DCC: variants seen among roughly 807,000 people sequenced by gnomAD.
DCC encodes DCC netrin 1 receptor.
In DCC, 58 loss-of-function variants were observed where a neutral mutation model predicts 172.5. That is an observed-to-expected ratio of 0.34 (90% CI 0.27 to 0.42). The LOEUF is 0.42. DCC is among the 10% of genes least tolerant of loss of function. DCC has a pLI of 1.00. For synonymous variants in DCC, 709 were observed against 644.5 expected (o/e 1.10, Z -1.52); for missense variants, 1,740 against 1,791.0 (o/e 0.97, Z 0.51).
intron 11 of DCC, among the ~76,000 whole-genome samples, chr18:53,208,793 A>G (rs1482625034): frequency 1.3e-5 from 2 of 152,086 alleles, no homozygotes; most frequent in African/African-American, 4.8e-5. Flanking sequence ...GCAGTGGTGC[A>G]GTCTCAGCTC....
At chr18:53,131,379 C>T (rs1294974905) in intron 7 of DCC, among the ~76,000 whole-genome samples, 1 of 152,058 alleles carries the variant, frequency 6.6e-6, no homozygotes, top group Non-Finnish European at 1.5e-5. Context: ...GACAAAATAT[C>T]TCATTTTTAG....
intron 1 of DCC, among the ~76,000 whole-genome samples, chr18:52,719,942 T>TG (rs796801949): frequency 1.6e-4 from 24 of 152,212 alleles, no homozygotes; most frequent in African/African-American, 5.8e-4. Flanking sequence ...AGTCAGGATT[T>TG]GGGGGTCCCT....
intron 14 of DCC, among the ~76,000 whole-genome samples, chr18:53,331,872 C>T (rs986823314): frequency 6.6e-6 from 1 of 152,116 alleles, no homozygotes; most frequent in African/African-American, 2.4e-5. Context: ...TTAGGATAAA[C>T]CTTGGGCATG....
At chr18:53,486,696 T>C (rs1224524635) in intron 25 of DCC, 101 bp from the exon 26 acceptor site, 13 of 1,480,100 alleles carry the variant, frequency 8.8e-6, no homozygotes, top group Non-Finnish European at 1.2e-5. Context: ...CTATGAAGAG[T>C]GTGTATAGAT....
At chr18:52,960,642 C>G (rs1486041340) in intron 5 of DCC, among the ~76,000 whole-genome samples, 1 of 151,990 alleles carries the variant, frequency 6.6e-6, no homozygotes, top group Non-Finnish European at 1.5e-5. Context: ...GATAGAGGAT[C>G]AAAGCGTACC....
intron 1 of DCC, among the ~76,000 whole-genome samples, chr18:52,709,131 T>C (rs895328713): frequency 2.6e-5 from 4 of 152,170 alleles, no homozygotes; most frequent in African/African-American, 9.7e-5. Flanking sequence ...GATTGCAAGA[T>C]ACCTGTAATT....
intron 2 of DCC, among the ~76,000 whole-genome samples, chr18:52,874,729 A>G (rs906532261): frequency 6.6e-6 from 1 of 152,202 alleles, no homozygotes; most frequent in African/African-American, 2.4e-5. Flanking sequence ...AAGAGGAGAC[A>G]GAGGAAAGGC....
intron 12 of DCC, among the ~76,000 whole-genome samples, chr18:53,217,593 T>C (rs2055873906): frequency 6.6e-6 from 1 of 152,128 alleles, no homozygotes; most frequent in South Asian, 2.1e-4. Flanking sequence ...CAGACTGTTT[T>C]CAAGAGAAAA....
chr18:53,416,466 T>C (rs944074070), intron 21 of DCC: 3 of 504,024 alleles, frequency 6.0e-6, no homozygotes, highest in Middle Eastern at 5.4e-4. Flanking sequence ...ACATTAAGTA[T>C]AATTAAGCTC....
intron 1 of DCC, among the ~76,000 whole-genome samples, chr18:52,380,155 T>C (rs1233971133): frequency 6.6e-6 from 1 of 152,088 alleles, no homozygotes. Flanking sequence ...CCATTCATGA[T>C]GGAGGATCCC....
At chr18:53,445,812 G>T (rs12960505) in intron 22 of DCC, among the ~76,000 whole-genome samples, 71,506 of 151,592 alleles carry the variant, frequency 0.47, 17,983 homozygotes, top group Non-Finnish European at 0.58. Flanking sequence ...CCCATGAGAT[G>T]GTAAAAAATG....
At chr18:53,153,497 C>T (rs988790818) in intron 7 of DCC, among the ~76,000 whole-genome samples, 4 of 151,958 alleles carry the variant, frequency 2.6e-5, no homozygotes, top group Non-Finnish European at 5.9e-5. Context: ...ACACCCTGGC[C>T]GACATGAGAT....
At chr18:52,676,715 T>A (rs957925671) in intron 1 of DCC, among the ~76,000 whole-genome samples, 13 of 152,160 alleles carry the variant, frequency 8.5e-5, no homozygotes, top group African/African-American at 2.9e-4. Context: ...CAACGTGAGA[T>A]CAGCAGGAGC....
intron 5 of DCC, among the ~76,000 whole-genome samples, chr18:52,990,400 T>C (rs9956051): frequency 0.75 from 114,096 of 151,748 alleles, 43,225 homozygotes; most frequent in African/African-American, 0.82. Context: ...GTCAGCCAGT[T>C]GTGGTGGTCC....
chr18:53,225,924 A>G (rs1036543643), intron 12 of DCC, among the ~76,000 whole-genome samples: 2 of 152,174 alleles, frequency 1.3e-5, no homozygotes, highest in African/African-American at 4.8e-5. Flanking sequence ...GGAGTGATTA[A>G]AAAGAAAACC....
At chr18:53,498,066 A>G (rs1364803649) in intron 26 of DCC, among the ~76,000 whole-genome samples, 3 of 152,234 alleles carry the variant, frequency 2.0e-5, no homozygotes, top group African/African-American at 2.4e-5. Context: ...TCAATGACCC[A>G]GAAGACCTCT....
chr18:52,582,749 C>T (rs985699283), intron 1 of DCC, among the ~76,000 whole-genome samples: 1 of 152,160 alleles, frequency 6.6e-6, no homozygotes, highest in African/African-American at 2.4e-5. Context: ...AATGGGAATA[C>T]TCTCTTTTAT....
At chr18:52,857,435 C>A (rs981673022) in intron 2 of DCC, among the ~76,000 whole-genome samples, 20 of 152,026 alleles carry the variant, frequency 1.3e-4, no homozygotes, top group Admixed American at 8.5e-4. Flanking sequence ...AAATATGATG[C>A]ATATTTTCTT....
At chr18:53,263,342 G>A (rs1283344091) in intron 12 of DCC, among the ~76,000 whole-genome samples, 4 of 152,092 alleles carry the variant, frequency 2.6e-5, no homozygotes, top group Non-Finnish European at 5.9e-5. Context: ...AGTAGAGACA[G>A]GGTTTTGCTA....
Sources: gnomAD v4.1 joint callset for allele counts (sites outside exome capture counted in the v4.1 genomes callset) on GRCh38, gnomAD v4.1.1 for gene constraint, MANE v1.5 for transcripts, NCBI Gene and HGNC (gene_info 2026-07-23, HGNC 2026-07-21) for gene names.